Variants in FMO5 observed in about 807,000 individuals in gnomAD.
FMO5 encodes flavin containing dimethylaniline monoxygenase 5, also known as flavin-containing monooxygenase 5.
In FMO5, 51 loss-of-function variants were observed where a neutral mutation model predicts 43.6. That is an observed-to-expected ratio of 1.17 (90% CI 0.93 to 1.48). The LOEUF is 1.48. Ranked by LOEUF, FMO5 falls within the 40% of genes most tolerant of loss-of-function variation. The probability of loss-of-function intolerance (pLI) is 0.00; values close to 1 mark genes in which losing one functional copy is unlikely to be tolerated. For missense variants in FMO5, 644 were observed against 643.0 expected (o/e 1.00, Z -0.02); for synonymous variants, 187 against 216.5 (o/e 0.86, Z 1.20).
intron 2 of FMO5, among the ~76,000 whole-genome samples, chr1:147,218,258 A>AT (rs1553925464): frequency 6.7e-6 from 1 of 149,730 alleles, no homozygotes; most frequent in Admixed American, 6.6e-5. Flanking sequence ...TTTTTTTGAG[A>AT]TGGAGTCTCA....
chr1:147,215,260 A>G (rs1553924702), intron 3 of FMO5: 1 of 152,304 alleles, frequency 6.6e-6, no homozygotes, highest in African/African-American at 2.4e-5. Flanking sequence ...TCAGGTTTTT[A>G]TTCTGCAATT....
intron 7 of FMO5, among the ~76,000 whole-genome samples, chr1:147,193,046 T>C (rs9726932): frequency 0.037 from 5,621 of 152,206 alleles, 159 homozygotes; most frequent in South Asian, 0.095. Context: ...GGAAGATTCC[T>C]TCTTTTTCTA....
rs587668053 is a variant in FMO5 at position 147,216,954 on chromosome 1, A to G, written c.136-1012T>C. On this transcript the variant is annotated intron_variant, in intron 2 of 8. Coordinates refer to ENST00000254090, the MANE Select transcript of FMO5 (RefSeq NM_001461.4). ...TTCTTTGCATCCTCAAAAACTTCCTATTGAGGCCGGGCGTGGTGGCTCATG... is the reference window on the plus strand; with the variant it reads ...TTCTTTGCATCCTCAAAAACTTCCTGTTGAGGCCGGGCGTGGTGGCTCATG... Among the ~76,000 whole-genome samples, 16 of 152,180 alleles carry G rather than the reference A, an allele frequency of 1.1e-4. No homozygotes were observed. In the South Asian group the frequency reaches 3.1e-3, roughly 30 times the overall value.
At position 147,187,247 on chromosome 1, in the gene FMO5, T is replaced by G. The variant is rs1553917380; in HGVS notation, c.1257-2A>C. On this transcript the variant is annotated splice_acceptor_variant, in intron 8 of 8. Transcript: ENST00000254090. LOFTEE classifies it high-confidence loss of function. Reference sequence around the variant, plus strand: ...GTATGGCGTTGGCTCTCCACATACCTAAAGTAGAAAAGACAGAAACCATGG... The same window carrying G: ...GTATGGCGTTGGCTCTCCACATACCGAAAGTAGAAAAGACAGAAACCATGG... 2.5e-6 allele frequency: 4 copies of G among 1,579,842 alleles called. No individual in the cohort carries two copies. Among genetic ancestry groups the G allele is most frequent in the Non-Finnish European group, 3.4e-6 (4 of 1,163,674 alleles).
At chr1:147,197,579 T>C (rs1182535415) in intron 7 of FMO5, among the ~76,000 whole-genome samples, 1 of 152,082 alleles carries the variant, frequency 6.6e-6, no homozygotes, top group East Asian at 1.9e-4. Flanking sequence ...TCTCACGAGA[T>C]CTGATGGTTT....
At chr1:147,225,352 T>C, upstream of FMO5, 1 of 317,012 alleles carries the variant, frequency 3.2e-6, no homozygotes, top group South Asian at 4.6e-5. Context: ...CAGGCGGCTG[T>C]TGTCAAATTA....
At chr1:147,190,100 T>A in intron 8 of FMO5, 77 bp downstream of exon 8, 1 of 997,788 alleles carries the variant, frequency 1.0e-6, no homozygotes, top group South Asian at 1.5e-5. Flanking sequence ...ATGAGGCAGT[T>A]AAATACAGTA....
chr1:147,214,913 A>G (rs1553924630), intron 3 of FMO5: 1 of 152,142 alleles, frequency 6.6e-6, no homozygotes, highest in African/African-American at 2.4e-5. Context: ...GAAGAGAAGC[A>G]CCACTGGAAT....
chr1:147,192,883 G>A (rs1553918900), intron 7 of FMO5, among the ~76,000 whole-genome samples: 1 of 152,124 alleles, frequency 6.6e-6, no homozygotes, highest in Non-Finnish European at 1.5e-5. Flanking sequence ...TGGCAGATAA[G>A]CTTTTTGATG....
intron 7 of FMO5, among the ~76,000 whole-genome samples, chr1:147,198,756 C>G (rs1658430794): frequency 6.9e-6 from 1 of 144,842 alleles, no homozygotes; most frequent in African/African-American, 2.6e-5. Flanking sequence ...GAGGCTGAGG[C>G]AGTAGAATGG....
At chr1:147,207,729 A>G (rs1273713701) in intron 6 of FMO5, among the ~76,000 whole-genome samples, 3 of 152,182 alleles carry the variant, frequency 2.0e-5, no homozygotes, top group African/African-American at 7.2e-5. Context: ...TGGTTCCGGG[A>G]ATACCTCTGA....
Position 147,215,788 on chromosome 1 carries a change from T to A in FMO5, c.290A>T (p.Lys97Ile). 1 of 1,610,674 alleles carries A rather than the reference T, an allele frequency of 6.2e-7. No homozygotes were observed. Among genetic ancestry groups the A allele is most frequent in the Non-Finnish European group, 8.5e-7 (1 of 1,179,056 alleles). The stretch of plus-strand genomic sequence containing the variant: ...AATATACTTTAGAAGGTCAAATTCT[T>A]TGGCATACATCCTGAAATACTCCAG... ...QVLEYFRMYAKEFDLLKYIRF... is the reference protein window; with the variant it reads ...QVLEYFRMYAIEFDLLKYIRF... Residue 97 changes from lysine to isoleucine, a missense_variant, in exon 3 of 9, where the codon AAA (lysine) becomes ATA (isoleucine). Transcript: ENST00000254090.
chr1:147,218,852 C>G (rs1553925665), intron 2 of FMO5, among the ~76,000 whole-genome samples: 1 of 152,154 alleles, frequency 6.6e-6, no homozygotes, highest in African/African-American at 2.4e-5. Context: ...AGAGTTACAT[C>G]AAATGTCACT....
At chr1:147,196,200 A>G (rs917143577) in intron 7 of FMO5, among the ~76,000 whole-genome samples, 1 of 152,114 alleles carries the variant, frequency 6.6e-6, no homozygotes, top group Non-Finnish European at 1.5e-5. Context: ...ATCCCTCTTA[A>G]AATATGGAAC....
At chr1:147,207,174 A>C (rs1443185623) in intron 6 of FMO5, among the ~76,000 whole-genome samples, 1 of 152,144 alleles carries the variant, frequency 6.6e-6, no homozygotes, top group African/African-American at 2.4e-5. Flanking sequence ...TACAATATAC[A>C]CTGAAGTATT....
At chr1:147,210,427 C>T (rs17355899) in intron 5 of FMO5, 1 of 152,130 alleles carries the variant, frequency 6.6e-6, no homozygotes, top group Non-Finnish European at 1.5e-5. Flanking sequence ...AAGTTATATA[C>T]GCACATTGCT....
At position 147,218,706 on chromosome 1, in the gene FMO5, T is replaced by A. The variant is rs141099826; in HGVS notation, c.136-2764A>T. On this transcript the variant is annotated intron_variant, in intron 2 of 8. Transcript: ENST00000254090. ...ATCTAGCCCGGTTTATCTTTTAATC[T>A]TCATCCAGTGTTGTCCTTATTTAAT... 4.6e-5 allele frequency among the ~76,000 whole-genome samples: 7 copies of A among 152,358 alleles called. No individual in the cohort carries two copies. In the East Asian group the frequency reaches 1.3e-3, roughly 29 times the overall value.
intron 6 of FMO5, chr1:147,208,318 GGT>G: frequency 6.6e-6 from 1 of 152,370 alleles, no homozygotes; most frequent in African/African-American, 2.4e-5. Context: ...ATGAGAAAAG[GGT>G]TACTGCCAAA....
chr1:147,202,597 C>T (rs587751543), intron 6 of FMO5, among the ~76,000 whole-genome samples: 12 of 152,212 alleles, frequency 7.9e-5, no homozygotes, highest in East Asian at 5.8e-4. Flanking sequence ...GGATTACAGG[C>T]GTGAGCCACA....
Sources: allele counts gnomAD v4.1 joint callset (sites outside exome capture counted in the v4.1 genomes callset), GRCh38; gene constraint gnomAD v4.1.1; transcripts MANE v1.5; gene names NCBI Gene and HGNC (gene_info 2026-07-23, HGNC 2026-07-21).